The following OCA2 variants were observed in gnomAD, a reference collection of about 807,000 sequenced individuals.
The protein encoded by OCA2 is P protein.
In OCA2, 77 loss-of-function variants were observed where a neutral mutation model predicts 100.2. That is an observed-to-expected ratio of 0.77 (90% CI 0.64 to 0.93). The LOEUF is 0.93. Among genes scored for constraint, OCA2 ranks in the 40% least tolerant of loss-of-function variants. The pLI is 0.00. For missense variants in OCA2, 1,062 were observed against 1,089.1 expected (o/e 0.98, Z 0.35); for synonymous variants, 432 against 439.2 (o/e 0.98, Z 0.21).
chr15:27,892,944 C>A (rs186506876), intron 19 of OCA2, among the ~76,000 whole-genome samples: 39 of 152,284 alleles, frequency 2.6e-4, no homozygotes, highest in Non-Finnish European at 5.1e-4. Context: ...TTTACGCTCA[C>A]AAATTTGGCA....
intron 9 of OCA2, among the ~76,000 whole-genome samples, chr15:28,004,355 C>T (rs1566785739): frequency 6.6e-6 from 1 of 152,210 alleles, no homozygotes; most frequent in African/African-American, 2.4e-5. Flanking sequence ...CCCCAGAGCA[C>T]GCGCTCTGGA....
At chr15:28,016,227 C>T (rs368996642) in intron 7 of OCA2, 41 bp from the exon 8 acceptor site, 26 of 1,487,812 alleles carry the variant, frequency 1.7e-5, no homozygotes, top group East Asian at 4.5e-5. Context: ...GGCTTTTCAC[C>T]TGAGACACCA....
At chr15:28,042,033 T>C (rs1211268747) in intron 2 of OCA2, among the ~76,000 whole-genome samples, 1 of 152,132 alleles carries the variant, frequency 6.6e-6, no homozygotes, top group East Asian at 1.9e-4. Flanking sequence ...GAGGAACAAT[T>C]GGTTGGTGAG....
intron 19 of OCA2, among the ~76,000 whole-genome samples, chr15:27,902,172 A>G (rs1179607201): frequency 6.6e-6 from 1 of 152,002 alleles, no homozygotes; most frequent in African/African-American, 2.4e-5. Context: ...CAGGCACAGA[A>G]TATCTGCAAA....
At chr15:27,747,469 A>G in the OCA2 span, among the ~76,000 whole-genome samples, 1 of 152,192 alleles carries the variant, frequency 6.6e-6, no homozygotes, top group East Asian at 1.9e-4. Flanking sequence ...AGACTAAAAC[A>G]CTGCTGGTTT....
intron 15 of OCA2, among the ~76,000 whole-genome samples, chr15:27,964,414 C>G (rs1326694296): frequency 6.6e-6 from 1 of 152,212 alleles, no homozygotes; most frequent in African/African-American, 2.4e-5. Context: ...AAGTCATGCT[C>G]TCTCCCATTC....
At chr15:27,922,593 G>C (rs1321227830) in intron 19 of OCA2, among the ~76,000 whole-genome samples, 1 of 152,042 alleles carries the variant, frequency 6.6e-6, no homozygotes, top group Non-Finnish European at 1.5e-5. Context: ...ATAGATTTGT[G>C]TATATTTTAT....
rs866141065 is a variant in OCA2, at chr15:27,913,888, A to C, written c.2079+12239T>G. Among the ~76,000 whole-genome samples the C allele has an allele frequency of 2.4e-4, 14 of 57,346 alleles. 1 individual carries two copies. The highest frequency in any genetic ancestry group is 4.6e-4 in the African/African-American group (6 of 13,058). The allele number at this position is 57,346 out of a possible 152,430, so 37.6% of individuals were successfully genotyped here. A position where few individuals can be genotyped will look rare whatever the true frequency, so the allele number is the denominator to read the frequency against. On this transcript the variant is annotated intron_variant, in intron 19 of 23. Coordinates refer to ENST00000354638, the MANE Select transcript of OCA2 (RefSeq NM_000275.3). ...GAAAGAAAGAAAGAAAGAAAGAAAG[A>C]AAGAAAGCAAGCAAGCAAGCAAGCA...
At chr15:27,937,160 A>G (rs12437597) in intron 18 of OCA2, among the ~76,000 whole-genome samples, 15,947 of 152,180 alleles carry the variant, frequency 0.1, 2,440 homozygotes, top group East Asian at 0.79. Flanking sequence ...TGAGTTCTTC[A>G]TAAATGGAAT....
At chr15:27,892,718 G>T (rs1457330560) in intron 19 of OCA2, among the ~76,000 whole-genome samples, 3 of 152,070 alleles carry the variant, frequency 2.0e-5, no homozygotes, top group Non-Finnish European at 2.9e-5. Context: ...GATCACAGAA[G>T]AAATCTATTG....
Position 27,957,348 on chromosome 15 carries a change from G to T in OCA2, c.1784+240C>A, listed in dbSNP as rs551065045. On this transcript the variant is annotated intron_variant, in intron 16 of 23. Coordinates refer to ENST00000354638, the MANE Select transcript of OCA2 (RefSeq NM_000275.3). The surrounding 1 kb of genome is among the most constrained non-coding windows in gnomAD (Gnocchi z 4.3). ...ACTCCTTCCGAGCTGCACAACCCTG[G>T]GCACGCCGCTCAAATTCTCTGAGCC... is the stretch of plus-strand genomic sequence containing the variant. Among the ~76,000 whole-genome samples, 4 of 152,172 alleles carry T rather than the reference G, an allele frequency of 2.6e-5. No individual in the cohort carries two copies. In the South Asian group the frequency reaches 6.2e-4, roughly 24 times the overall value.
chr15:27,968,210 C>T (rs575311552), intron 14 of OCA2, among the ~76,000 whole-genome samples: 1 of 152,230 alleles, frequency 6.6e-6, no homozygotes, highest in Admixed American at 6.5e-5. Flanking sequence ...CTCCTGAGCC[C>T]CCAGCAGGAC....
At chr15:28,089,546 C>T (rs1014275789) in intron 1 of OCA2, among the ~76,000 whole-genome samples, 2 of 152,156 alleles carry the variant, frequency 1.3e-5, no homozygotes, top group African/African-American at 4.8e-5. Flanking sequence ...TCCCTGACTT[C>T]CCGCAACAAC....
chr15:27,814,533 A>G (rs940399200), intron 23 of OCA2, among the ~76,000 whole-genome samples: 3 of 152,202 alleles, frequency 2.0e-5, no homozygotes, highest in African/African-American at 4.8e-5. Context: ...GGTTCAGTCA[A>G]TCTTTAAGAT....
At chr15:27,753,990 G>T (rs971665933), downstream of OCA2, among the ~76,000 whole-genome samples, 1 of 151,920 alleles carries the variant, frequency 6.6e-6, no homozygotes, top group Non-Finnish European at 1.5e-5. Flanking sequence ...TTCAGTGACC[G>T]GCTCAGGGAT....
At chr15:28,083,088 G>C (rs2044703834) in intron 1 of OCA2, among the ~76,000 whole-genome samples, 1 of 152,194 alleles carries the variant, frequency 6.6e-6, no homozygotes, top group Non-Finnish European at 1.5e-5. Context: ...ACGTGCTGGG[G>C]CTGGAGTTAG....
intron 19 of OCA2, among the ~76,000 whole-genome samples, chr15:27,902,464 T>A (rs1446732054): frequency 6.6e-6 from 1 of 152,238 alleles, no homozygotes; most frequent in Admixed American, 6.5e-5. Context: ...AATTAAAGTA[T>A]AAATTGGTAA....
At chr15:28,046,139 C>T (rs1374113618) in intron 2 of OCA2, among the ~76,000 whole-genome samples, 1 of 152,180 alleles carries the variant, frequency 6.6e-6, no homozygotes, top group Non-Finnish European at 1.5e-5. Flanking sequence ...CATCATCCTC[C>T]CTCTCTCTTC....
intron 5 of OCA2, among the ~76,000 whole-genome samples, chr15:28,022,934 A>G (rs1040825436): frequency 1.3e-5 from 2 of 152,228 alleles, no homozygotes; most frequent in African/African-American, 4.8e-5. Context: ...GAAATTTGCA[A>G]AGCACCTTAT....
Sources: gnomAD v4.1 joint callset for allele counts (sites outside exome capture counted in the v4.1 genomes callset) on GRCh38, gnomAD v4.1.1 for gene constraint, Gnocchi (gnomAD v3.1) non-coding constraint, MANE v1.5 for transcripts, NCBI Gene and HGNC (gene_info 2026-07-23, HGNC 2026-07-21) for gene names.